The following PALLD variants were observed in gnomAD, a reference collection of about 807,000 sequenced individuals.
The protein encoded by PALLD is palladin, cytoskeletal associated protein.
PALLD carries 61 observed loss-of-function variants against 123.5 expected under a neutral mutation model. That is an observed-to-expected ratio of 0.49 (90% CI 0.40 to 0.61). The LOEUF (loss-of-function observed/expected upper bound fraction) is 0.61, where lower values mean the gene tolerates loss of function less well. PALLD is among the 20% of genes least tolerant of loss of function. The pLI, the probability that PALLD is intolerant of heterozygous loss-of-function variation, is 0.00. For synonymous variants in PALLD, 465 were observed against 496.4 expected (o/e 0.94, Z 0.84); for missense variants, 1,273 against 1,377.0 (o/e 0.92, Z 1.20).
At chr4:168,913,412 C>T (rs571425414) in intron 15 of PALLD, among the ~76,000 whole-genome samples, 51 of 152,206 alleles carry the variant, frequency 3.4e-4, no homozygotes, top group African/African-American at 1.2e-3. Context: ...GCTGGCATTA[C>T]AGGCATGAGC....
intron 17 of PALLD, among the ~76,000 whole-genome samples, chr4:168,916,468 T>C (rs1760112901): frequency 8.1e-6 from 1 of 123,354 alleles, no homozygotes; most frequent in South Asian, 3.3e-4. Flanking sequence ...CGGATATTTA[T>C]ATATTGTTTA....
At position 168,709,233 on chromosome 4, in the gene PALLD, G is replaced by A. The variant is rs115020991; in HGVS notation, c.1621+86G>A. 2,349 of 1,411,472 alleles carry A rather than the reference G, an allele frequency of 1.7e-3. 29 individuals carry two copies. The African/African-American group carries it at 0.03, about 18-fold the overall frequency. 87.4% of individuals were successfully genotyped at this position (1,411,472 alleles called of 1,614,324 possible). A position where few individuals can be genotyped will look rare whatever the true frequency, so the allele number is the denominator to read the frequency against. ...CAGCAGAAAGGCACCGTCCTGGCCA[G>A]GTGCAGTGGCTCACACCTGTAATCC... On this transcript the variant is annotated intron_variant, in intron 9 of 21. Transcript: ENST00000505667.
chr4:168,831,817 A>T (rs1346027059), intron 10 of PALLD, among the ~76,000 whole-genome samples: 1 of 152,220 alleles, frequency 6.6e-6, no homozygotes, highest in Non-Finnish European at 1.5e-5. Flanking sequence ...CGTTATTAGC[A>T]CTTCTCGATC....
At chr4:168,807,121 G>A (rs1176754444) in intron 10 of PALLD, among the ~76,000 whole-genome samples, 6 of 152,102 alleles carry the variant, frequency 3.9e-5, no homozygotes, top group Admixed American at 6.6e-5. Flanking sequence ...GGAGGAAGGG[G>A]AAAAGATTAG....
chr4:168,538,837 C>T (rs1003622616), intron 2 of PALLD, among the ~76,000 whole-genome samples: 9 of 152,144 alleles, frequency 5.9e-5, no homozygotes, highest in Admixed American at 1.3e-4. Context: ...TGATTACCCG[C>T]GATTGGTGTC....
At chr4:168,672,290 G>A (rs1021626561) in intron 3 of PALLD, among the ~76,000 whole-genome samples, 2 of 152,040 alleles carry the variant, frequency 1.3e-5, no homozygotes, top group East Asian at 3.9e-4. Context: ...ACCATATAAG[G>A]TATTATTGTT....
intron 10 of PALLD, among the ~76,000 whole-genome samples, chr4:168,861,660 T>G (rs1749490645): frequency 6.6e-6 from 1 of 152,026 alleles, no homozygotes; most frequent in South Asian, 2.1e-4. Flanking sequence ...TGTTGAAGAT[T>G]TTTTTTAATT....
intron 2 of PALLD, among the ~76,000 whole-genome samples, chr4:168,652,182 C>T (rs1242028035): frequency 3.3e-5 from 5 of 152,056 alleles, no homozygotes; most frequent in South Asian, 2.1e-4. Flanking sequence ...GTGCACCAAT[C>T]CCAAGCAGAA....
At chr4:168,567,388 C>G (rs1404516142) in intron 2 of PALLD, among the ~76,000 whole-genome samples, 1 of 151,790 alleles carries the variant, frequency 6.6e-6, no homozygotes, top group African/African-American at 2.4e-5. Flanking sequence ...CAACAGAAGA[C>G]ACACAAATGG....
intron 9 of PALLD, among the ~76,000 whole-genome samples, chr4:168,709,641 A>G (rs146949351): frequency 0.85 from 319 of 374 alleles, 154 homozygotes; most frequent in Admixed American, 0.97. Flanking sequence ...GGAAGGAAGG[A>G]AGGAAGGAAG....
At chr4:168,521,356 G>A (rs1422926478) in intron 2 of PALLD, among the ~76,000 whole-genome samples, 1 of 152,154 alleles carries the variant, frequency 6.6e-6, no homozygotes, top group Non-Finnish European at 1.5e-5. Flanking sequence ...ACTGTGGCAA[G>A]TTATTTCAAC....
intron 2 of PALLD, among the ~76,000 whole-genome samples, chr4:168,538,578 G>C (rs1218950968): frequency 6.6e-6 from 1 of 151,980 alleles, no homozygotes; most frequent in Non-Finnish European, 1.5e-5. Context: ...CGCTCATTCT[G>C]TGACAGGTCA....
chr4:168,648,149 T>C (rs1777667322), intron 2 of PALLD: 2 of 152,104 alleles, frequency 1.3e-5, no homozygotes, highest in African/African-American at 2.4e-5. Flanking sequence ...CAGAGGCAGT[T>C]CTTACCCAGC....
intron 10 of PALLD, among the ~76,000 whole-genome samples, chr4:168,882,701 C>G (rs532863185): frequency 2.6e-4 from 40 of 152,090 alleles, no homozygotes; most frequent in Non-Finnish European, 5.1e-4. Context: ...GTATCCAATC[C>G]TGGACAAGTA....
chr4:168,873,783 A>AT (rs1216974775), intron 10 of PALLD, among the ~76,000 whole-genome samples: 11 of 152,266 alleles, frequency 7.2e-5, no homozygotes, highest in Admixed American at 2.0e-4. Context: ...CTGATGGTGA[A>AT]TTTTTTAAAT....
intron 10 of PALLD, among the ~76,000 whole-genome samples, chr4:168,882,447 C>T (rs1221922849): frequency 1.3e-5 from 2 of 152,184 alleles, no homozygotes; most frequent in Non-Finnish European, 2.9e-5. Flanking sequence ...ACAAATTTAA[C>T]TGTACTTTAA....
intron 2 of PALLD, among the ~76,000 whole-genome samples, chr4:168,603,096 C>A (rs1772836212): frequency 1.3e-5 from 2 of 151,984 alleles, no homozygotes; most frequent in Admixed American, 6.6e-5. Flanking sequence ...GCAGTGATAC[C>A]CCAGTCATGG....
At chr4:168,655,964 T>C (rs1037451116) in intron 2 of PALLD, among the ~76,000 whole-genome samples, 3 of 152,234 alleles carry the variant, frequency 2.0e-5, no homozygotes, top group Non-Finnish European at 2.9e-5. Context: ...ATAGGAGCTG[T>C]GGCCCCTTTG....
At chr4:168,794,328 AG>A (rs1272205444) in intron 10 of PALLD, among the ~76,000 whole-genome samples, 4 of 152,160 alleles carry the variant, frequency 2.6e-5, no homozygotes, top group African/African-American at 9.7e-5. Context: ...AGGCCCTCTA[AG>A]GGGTCCTCTT....
Sources: gnomAD v4.1 joint callset for allele counts (sites outside exome capture counted in the v4.1 genomes callset) on GRCh38, gnomAD v4.1.1 for gene constraint, MANE v1.5 for transcripts, NCBI Gene and HGNC (gene_info 2026-07-23, HGNC 2026-07-21) for gene names.